Variants in ZSCAN4 observed in about 807,000 individuals in gnomAD.
The protein encoded by ZSCAN4 is zinc finger and SCAN domain containing 4.
In ZSCAN4, 18 loss-of-function variants were observed where a neutral mutation model predicts 18.3. The observed-to-expected ratio is 0.98, with a 90% CI of 0.68 to 1.46. ZSCAN4 has a LOEUF of 1.46. Among genes scored for constraint, ZSCAN4 ranks in the 40% most tolerant of loss-of-function variants. The pLI, the probability that ZSCAN4 is intolerant of heterozygous loss-of-function variation, is 0.00. For synonymous variants in ZSCAN4, 193 were observed against 180.3 expected (o/e 1.07, Z -0.57); for missense variants, 498 against 511.4 (o/e 0.97, Z 0.25).
chr19:57,678,436 C>G (rs1182658147), exon 5 of ZSCAN4: 1 of 1,613,964 alleles, frequency 6.2e-7, no homozygotes, highest in African/African-American at 1.3e-5. Flanking sequence ...ATCTCTCAAC[C>G]AGAGCAGTCC....
At chr19:57,666,094 CT>C (rs1983842196), upstream of ZSCAN4, among the ~76,000 whole-genome samples, 1 of 152,090 alleles carries the variant, frequency 6.6e-6, no homozygotes, top group Admixed American at 6.6e-5. Flanking sequence ...GGTAGTTTGC[CT>C]TTTGAAGAAT....
chr19:57,664,079 A>C (rs1282257801), upstream of ZSCAN4, among the ~76,000 whole-genome samples: 1 of 152,138 alleles, frequency 6.6e-6, no homozygotes, highest in African/African-American at 2.4e-5. Flanking sequence ...TGCAGTAAGC[A>C]GAGATCGTGC....
chr19:57,678,228 A>G (rs752935660), exon 5 of ZSCAN4: 5 of 1,614,186 alleles, frequency 3.1e-6, no homozygotes, highest in Non-Finnish European at 4.2e-6. Flanking sequence ...AAATGAAAAT[A>G]TTACTAATCA....
At chr19:57,672,285 G>T (rs1034651554) in intron 2 of ZSCAN4, among the ~76,000 whole-genome samples, 2 of 152,078 alleles carry the variant, frequency 1.3e-5, no homozygotes, top group African/African-American at 2.4e-5. Context: ...AGCAGAAAAG[G>T]TGCTAAGAAT....
At chr19:57,658,747 T>C in the ZSCAN4 span, among the ~76,000 whole-genome samples, 1 of 147,024 alleles carries the variant, frequency 6.8e-6, no homozygotes, top group Middle Eastern at 3.5e-3. Context: ...GGCAGGAGAA[T>C]CACTTGAACC....
chr19:57,679,010 TTTA>T (rs1212041383), exon 5 of ZSCAN4: 1 of 1,294,808 alleles, frequency 7.7e-7, no homozygotes, highest in African/African-American at 1.5e-5. Context: ...ATGCTTTCAA[TTTA>T]TTGTCTTGCT....
At chr19:57,678,620 A>G in exon 5 of ZSCAN4, 4 of 1,614,086 alleles carry the variant, frequency 2.5e-6, no homozygotes, top group Non-Finnish European at 3.4e-6. Flanking sequence ...ATGAGAGGCC[A>G]TTTGTTTGTC....
intron 2 of ZSCAN4, among the ~76,000 whole-genome samples, chr19:57,673,041 A>ATTT (rs1984070332): frequency 6.6e-6 from 1 of 151,888 alleles, no homozygotes; most frequent in African/African-American, 2.4e-5. Context: ...ACATTTAATT[A>ATTT]ATTAATTTAT....
chr19:57,678,017 G>A, exon 4 of ZSCAN4: 1 of 1,602,564 alleles, frequency 6.2e-7, no homozygotes. Flanking sequence ...CAAACCACAA[G>A]AGAAGCAAAC....
At chr19:57,663,707 CAA>C in the ZSCAN4 span, among the ~76,000 whole-genome samples, 1,445 of 87,824 alleles carry the variant, frequency 0.016, 7 homozygotes, top group African/African-American at 0.041. Flanking sequence ...CAACCTGTCT[CAA>C]AAAAAAAAAA....
intron 1 of ZSCAN4, among the ~76,000 whole-genome samples, chr19:57,669,405 A>C (rs1349890552): frequency 7.2e-6 from 1 of 139,336 alleles, no homozygotes; most frequent in African/African-American, 2.7e-5. Flanking sequence ...ATTTTACCGC[A>C]GATTTTGTAT....
exon 5 of ZSCAN4, chr19:57,678,272 G>C (rs1265966101): frequency 1.2e-6 from 2 of 1,614,032 alleles, no homozygotes; most frequent in Non-Finnish European, 1.7e-6. Context: ...TCATCATCCA[G>C]GAAGAGAACG....
At chr19:57,678,914 T>C in exon 5 of ZSCAN4, 1 of 1,573,416 alleles carries the variant, frequency 6.4e-7, no homozygotes, top group Non-Finnish European at 8.6e-7. Context: ...AAGCTGCTGG[T>C]CTGATAATGT....
the ZSCAN4 span, among the ~76,000 whole-genome samples, chr19:57,655,336 T>C: frequency 6.6e-6 from 1 of 152,184 alleles, no homozygotes; most frequent in African/African-American, 2.4e-5. Flanking sequence ...GCCCTTTCAA[T>C]GTCGCCAGCA....
the ZSCAN4 span, among the ~76,000 whole-genome samples, chr19:57,655,512 A>G: frequency 2.6e-5 from 4 of 152,124 alleles, no homozygotes; most frequent in South Asian, 8.3e-4. Context: ...CTGTTTAAGG[A>G]TCTTATGTGT....
the ZSCAN4 span, among the ~76,000 whole-genome samples, chr19:57,654,422 C>A: frequency 6.6e-6 from 1 of 152,122 alleles, no homozygotes; most frequent in Admixed American, 6.6e-5. Flanking sequence ...TAGCAGCATA[C>A]CACACCCCAG....
At chr19:57,665,472 T>C (rs947761523), upstream of ZSCAN4, among the ~76,000 whole-genome samples, 11 of 152,128 alleles carry the variant, frequency 7.2e-5, no homozygotes, top group Non-Finnish European at 1.5e-4. Context: ...TGGTGTCAAA[T>C]TTTGTATTTT....
upstream of ZSCAN4, chr19:57,664,837 C>G (rs1983814631): frequency 5.6e-6 from 1 of 177,308 alleles, no homozygotes; most frequent in Non-Finnish European, 1.3e-5. Context: ...CACAGCAACT[C>G]TGCCAGATGA....
chr19:57,678,278 G>C, exon 5 of ZSCAN4: 1 of 1,614,186 alleles, frequency 6.2e-7, no homozygotes, highest in South Asian at 1.1e-5. Context: ...TCCAGGAAGA[G>C]AACGGTCCTA....
Sources: gnomAD v4.1 joint callset for allele counts (sites outside exome capture counted in the v4.1 genomes callset) on GRCh38, gnomAD v4.1.1 for gene constraint, MANE v1.5 for transcripts, NCBI Gene and HGNC (gene_info 2026-07-23, HGNC 2026-07-21) for gene names.